TTC28: variants seen among roughly 807,000 people sequenced by gnomAD.
The protein encoded by TTC28 is tetratricopeptide repeat protein 28.
Under a neutral mutation model 198.0 loss-of-function variants are expected in TTC28, and 61 were observed. The ratio of observed to expected loss-of-function variants is 0.31; its 90% CI spans 0.25 to 0.38. The LOEUF (loss-of-function observed/expected upper bound fraction) is 0.38. Ranked by LOEUF, TTC28 falls within the 10% of genes least tolerant of loss-of-function variation. The pLI, the probability that TTC28 is intolerant of heterozygous loss-of-function variation, is 1.00. For synonymous variants in TTC28, 1,171 were observed against 1,297.8 expected, an observed-to-expected ratio of 0.90 and a Z score of 2.10; for missense variants, 2,678 against 3,164.0, an observed-to-expected ratio of 0.85 and a Z score of 3.69.
chr22:28,048,589 T>C (rs944843825), intron 12 of TTC28, among the ~76,000 whole-genome samples: 1 of 152,168 alleles, frequency 6.6e-6, no homozygotes, highest in Non-Finnish European at 1.5e-5. Flanking sequence ...CAAATTAATC[T>C]TCCAAGAACT....
intron 2 of TTC28, among the ~76,000 whole-genome samples, chr22:28,390,855 T>G (rs982155091): frequency 5.9e-5 from 9 of 152,210 alleles, no homozygotes; most frequent in Non-Finnish European, 1.0e-4. Flanking sequence ...TTAAAGTTAA[T>G]ATTGTTATGT....
At chr22:28,087,428 A>G (rs2146833783) in intron 12 of TTC28, among the ~76,000 whole-genome samples, 1 of 152,336 alleles carries the variant, frequency 6.6e-6, no homozygotes, top group Admixed American at 6.5e-5. Flanking sequence ...TTATCTCAAT[A>G]GATGCAGAAA....
intron 5 of TTC28, among the ~76,000 whole-genome samples, chr22:28,294,290 T>C (rs2044846395): frequency 6.6e-6 from 1 of 152,098 alleles, no homozygotes; most frequent in African/African-American, 2.4e-5. Flanking sequence ...TCTATCCTCA[T>C]AATTCAATGA....
At chr22:28,013,095 G>A (rs541771210) in intron 14 of TTC28, among the ~76,000 whole-genome samples, 2 of 152,354 alleles carry the variant, frequency 1.3e-5, no homozygotes, top group South Asian at 2.1e-4. Flanking sequence ...GGAAGGCCAG[G>A]CAGGGAAGGT....
intron 12 of TTC28, among the ~76,000 whole-genome samples, chr22:28,035,211 C>G (rs1387199469): frequency 1.3e-5 from 2 of 152,138 alleles, no homozygotes; most frequent in East Asian, 3.9e-4. Flanking sequence ...TTCTTGTGCA[C>G]TGATAACCAG....
chr22:28,551,077 C>A (rs748721394), intron 2 of TTC28, among the ~76,000 whole-genome samples: 1 of 151,936 alleles, frequency 6.6e-6, no homozygotes, highest in African/African-American at 2.4e-5. Context: ...ACTACTAGAC[C>A]TAAGAAATGA....
intron 14 of TTC28, chr22:28,002,328 G>C (rs548851221): frequency 6.6e-6 from 1 of 152,528 alleles, no homozygotes. Flanking sequence ...TGCTGCTGCA[G>C]CCCAGAGCCT....
At chr22:28,440,224 C>T (rs557957484) in intron 2 of TTC28, among the ~76,000 whole-genome samples, 54 of 152,230 alleles carry the variant, frequency 3.5e-4, no homozygotes, top group Admixed American at 1.4e-3. Context: ...AATTACATGG[C>T]TCTTGGTGGG....
chr22:28,679,635 G>C lies in TTC28; in HGVS notation c.89C>G (p.Pro30Arg), dbSNP rs779155748. Reference sequence around the variant, plus strand: ...TCACGCACTCACCGGCGCCGACGCCGGCGGCGACTCTGGCTCCCGCCGCCT... The same window carrying C: ...TCACGCACTCACCGGCGCCGACGCCCGCGGCGACTCTGGCTCCCGCCGCCT... ...SRRRREPESP[P>R]ASAPIPLFGA... Residue 30 changes from proline to arginine, a missense_variant, in exon 1 of 23, where the codon CCG (proline) becomes CGG (arginine). Pro to Arg is a moderately radical substitution (Grantham distance 103). This residue lies in a region of TTC28 where 22 missense variants were observed against 55.0 expected (regional missense o/e 0.40). Transcript: ENST00000397906. The C allele has an allele frequency of 1.4e-6, 2 of 1,456,678 alleles. No individual in the cohort carries two copies. The highest frequency in any genetic ancestry group is 1.3e-5 in the South Asian group (1 of 76,760). The allele number at this position is 1,456,678 out of a possible 1,614,324, so 90.2% of individuals were successfully genotyped here. A position where few individuals can be genotyped will look rare whatever the true frequency, so the allele number is the denominator to read the frequency against.
intron 19 of TTC28, 149 bp downstream of exon 19, chr22:27,992,438 T>C (rs1937450174): frequency 1.2e-6 from 1 of 803,720 alleles, no homozygotes; most frequent in East Asian, 2.7e-5. Flanking sequence ...AGGGCTATTC[T>C]CTTACTCCCG....
chr22:28,298,370 C>T (rs1394788224), intron 3 of TTC28, among the ~76,000 whole-genome samples: 3 of 152,158 alleles, frequency 2.0e-5, no homozygotes, highest in Non-Finnish European at 4.4e-5. Flanking sequence ...ACTACTGTAA[C>T]ACCATAGCAA....
At chr22:28,259,712 TATG>T in intron 5 of TTC28, among the ~76,000 whole-genome samples, 1 of 152,122 alleles carries the variant, frequency 6.6e-6, no homozygotes, top group South Asian at 2.1e-4. Flanking sequence ...CACATTTATG[TATG>T]ATGTTTAGAA....
chr22:27,983,147 G>A lies in TTC28; in HGVS notation c.6520C>T (p.Leu2174Phe), dbSNP rs1377882202. 1 of 1,551,740 alleles carries A rather than the reference G, an allele frequency of 6.4e-7. No individual in the cohort carries two copies. Among genetic ancestry groups the A allele is most frequent in the East Asian group, 2.4e-5 (1 of 40,918 alleles). Residue 2174 changes from leucine (L) to phenylalanine (F), a missense_variant, in exon 23 of 23, where the codon CTC becomes TTC. Leu to Phe is a conservative substitution (Grantham distance 22). This residue lies in a region of TTC28 where 622 missense variants were observed against 656.0 expected (regional missense o/e 0.95). Coordinates refer to ENST00000397906, the MANE Select transcript of TTC28 (RefSeq NM_001145418.2). ...QKILEETQSH[L>F]IAVERLQRSG... is the part of the protein sequence containing the mutation. ...CTCTGAAGACGCTCCACCGCAATGA[G>A]ATGACTCTGTGTCTCCTCCAGAATT...
intron 5 of TTC28, among the ~76,000 whole-genome samples, chr22:28,205,221 C>G (rs901248204): frequency 5.9e-5 from 9 of 152,178 alleles, no homozygotes; most frequent in East Asian, 1.9e-4. Flanking sequence ...CACACACACA[C>G]AGAGACCGGG....
intron 2 of TTC28, among the ~76,000 whole-genome samples, chr22:28,434,914 G>A (rs1427685119): frequency 6.6e-6 from 1 of 152,124 alleles, no homozygotes; most frequent in Non-Finnish European, 1.5e-5. Flanking sequence ...ACAAGTCTCA[G>A]GCCCCCAATA....
chr22:28,530,075 A>G (rs186729949), intron 2 of TTC28, among the ~76,000 whole-genome samples: 1 of 152,368 alleles, frequency 6.6e-6, no homozygotes, highest in African/African-American at 2.4e-5. Context: ...GGTTGAGAGA[A>G]GAAGGCTTCA....
chr22:28,493,627 C>T (rs192694541), intron 2 of TTC28, among the ~76,000 whole-genome samples: 19 of 152,238 alleles, frequency 1.2e-4, no homozygotes, highest in South Asian at 2.1e-4. Context: ...TGGTCATCCA[C>T]GGCAACTAAC....
In TTC28 at chr22:28,413,438, C is replaced by T. The variant is rs1601362677; in HGVS notation, c.382-106795G>A. On this transcript the variant is annotated intron_variant, in intron 2 of 22. Transcript: ENST00000397906. The stretch of plus-strand genomic sequence containing the variant: ...GTCTTAAAATTAAAAAAAAAAGTTT[C>T]TAGTCGTCTGATGTACTATCAAAAA... Among the ~76,000 whole-genome samples the T allele has an allele frequency of 2.0e-5, 3 of 152,068 alleles. No homozygotes were observed. In the South Asian group the frequency reaches 6.2e-4, roughly 32 times the overall value.
chr22:28,317,890 T>C (rs1451834684), intron 2 of TTC28, among the ~76,000 whole-genome samples: 1 of 152,074 alleles, frequency 6.6e-6, no homozygotes, highest in African/African-American at 2.4e-5. Context: ...AGAATTTAGA[T>C]GCCTGCCCAT....
Sources: gnomAD v4.1 joint callset for allele counts (sites outside exome capture counted in the v4.1 genomes callset) on GRCh38, gnomAD v4.1.1 for gene constraint, gnomAD v4.1.1 regional missense constraint, MANE v1.5 for transcripts, NCBI Gene and HGNC (gene_info 2026-07-23, HGNC 2026-07-21) for gene names.